Variants in SRGAP2 observed in about 807,000 individuals in gnomAD.
SRGAP2 encodes SLIT-ROBO Rho GTPase activating protein 2, also known as SLIT-ROBO Rho GTPase-activating protein 2.
In SRGAP2, 15 loss-of-function variants were observed where a neutral mutation model predicts 57.2. The observed-to-expected ratio is 0.26, with a 90% CI of 0.18 to 0.40. The LOEUF (loss-of-function observed/expected upper bound fraction) is 0.40, where lower values mean the gene tolerates loss of function less well. Among genes scored for constraint, SRGAP2 ranks in the 10% least tolerant of loss-of-function variants. The pLI, the probability that SRGAP2 is intolerant of heterozygous loss-of-function variation, is 1.00. For missense variants in SRGAP2, 520 were observed against 669.6 expected, an observed-to-expected ratio of 0.78 and a Z score of 2.47; for synonymous variants, 249 against 248.0, an observed-to-expected ratio of 1.00 and a Z score of -0.04.
chr1:206,375,892 T>C (rs1221686288), intron 4 of SRGAP2, among the ~76,000 whole-genome samples: 1 of 151,488 alleles, frequency 6.6e-6, no homozygotes, highest in Admixed American at 6.6e-5. Flanking sequence ...GTGTTACTGC[T>C]CACACATTCC....
chr1:206,226,512 C>T (rs1300241732), intron 2 of SRGAP2, among the ~76,000 whole-genome samples: 1 of 152,048 alleles, frequency 6.6e-6, no homozygotes, highest in Non-Finnish European at 1.5e-5. Flanking sequence ...AACTATGTGG[C>T]CCTGGGTAAG....
intron 13 of SRGAP2, among the ~76,000 whole-genome samples, chr1:206,428,260 C>CA (rs1367990712): frequency 1.3e-5 from 2 of 151,148 alleles, no homozygotes; most frequent in Non-Finnish European, 3.0e-5. Context: ...ACTAAAAATA[C>CA]AAAAAAATTA....
At chr1:206,417,103 C>CTTTTT (rs546280000) in intron 11 of SRGAP2, among the ~76,000 whole-genome samples, 4 of 133,782 alleles carry the variant, frequency 3.0e-5, no homozygotes, top group Non-Finnish European at 4.8e-5. Flanking sequence ...CTAATGACTT[C>CTTTTT]TTTTTTTTTT....
At chr1:206,437,716 A>C (rs546652051) in intron 15 of SRGAP2, 2 of 480,088 alleles carry the variant, frequency 4.2e-6, no homozygotes, top group African/African-American at 3.9e-5. Context: ...AATGTCCCTG[A>C]GCCAGGCTGG....
intron 18 of SRGAP2, among the ~76,000 whole-genome samples, chr1:206,449,117 A>G (rs1482144592): frequency 6.6e-6 from 1 of 152,118 alleles, no homozygotes; most frequent in Non-Finnish European, 1.5e-5. Flanking sequence ...GTTACTGCCT[A>G]CTACCAGAGG....
At chr1:206,336,010 T>C (rs2102894112) in intron 3 of SRGAP2, among the ~76,000 whole-genome samples, 1 of 152,246 alleles carries the variant, frequency 6.6e-6, no homozygotes, top group East Asian at 1.9e-4. Context: ...AAGCACTTAA[T>C]AGATGTCAGA....
At chr1:206,433,602 C>T (rs1355694443) in intron 14 of SRGAP2, among the ~76,000 whole-genome samples, 1 of 150,764 alleles carries the variant, frequency 6.6e-6, no homozygotes, top group African/African-American at 2.4e-5. Context: ...CACCACTGCA[C>T]TCCAGCCTGA....
intron 13 of SRGAP2, among the ~76,000 whole-genome samples, chr1:206,423,386 A>G (rs1170668909): frequency 2.0e-5 from 3 of 152,092 alleles, no homozygotes; most frequent in Non-Finnish European, 4.4e-5. Flanking sequence ...CTTTTGTTCT[A>G]TAATGCTGTC....
chr1:206,460,219 A>C (rs1664148776), intron 22 of SRGAP2, among the ~76,000 whole-genome samples: 1 of 152,230 alleles, frequency 6.6e-6, no homozygotes, highest in Non-Finnish European at 1.5e-5. Context: ...GGGGTGCCAG[A>C]CACAGGTTTA....
chr1:206,457,283 G>T (rs1366765079), intron 21 of SRGAP2, among the ~76,000 whole-genome samples: 1 of 152,156 alleles, frequency 6.6e-6, no homozygotes, highest in Admixed American at 6.5e-5. Flanking sequence ...CTACTGTTGT[G>T]CCAAGCACTG....
chr1:206,429,342 G>A (rs953212800), intron 13 of SRGAP2, among the ~76,000 whole-genome samples: 14 of 152,186 alleles, frequency 9.2e-5, no homozygotes, highest in Non-Finnish European at 5.9e-5. Context: ...GGTTCATTCT[G>A]CTACCTTCAA....
intron 11 of SRGAP2, 130 bp from the exon 12 acceptor site, chr1:206,419,242 CT>C (rs782386548): frequency 2.7e-5 from 18 of 670,004 alleles, no homozygotes; most frequent in Non-Finnish European, 4.7e-5. Context: ...TCTCTCTCTC[CT>C]CTCTTTTGCC....
In SRGAP2 at chr1:206,458,707, C is replaced by G; in HGVS notation, c.2592C>G (p.Ser864=). ...SHGLSSSLTD[S]SSPGVGASCR... ...GGCTGAGCAGTTCCCTGACTGACTC[C>G]TCCTCCCCAGGGGTGGGGGCTAGCT... is the stretch of plus-strand genomic sequence containing the variant. Residue 864 remains serine, a synonymous_variant, in exon 22 of 23, where the codon TCC becomes TCG. Coordinates refer to ENST00000573034, the MANE Select transcript of SRGAP2 (RefSeq NM_015326.5). 1.3e-6 allele frequency: 1 copy of G among 779,984 alleles called. No individual in the cohort carries two copies. The allele number at this position is 779,984 out of a possible 1,614,324, so 48.3% of individuals were successfully genotyped here. A position where few individuals can be genotyped will look rare whatever the true frequency, so the allele number is the denominator to read the frequency against.
chr1:206,325,126 A>G (rs1237883312), intron 3 of SRGAP2, among the ~76,000 whole-genome samples: 1 of 150,026 alleles, frequency 6.7e-6, no homozygotes, highest in Non-Finnish European at 1.5e-5. Flanking sequence ...GAAAAAAACG[A>G]TTCTCAAAGG....
chr1:206,342,291 C>A (rs1553335405), intron 3 of SRGAP2, among the ~76,000 whole-genome samples: 5 of 152,160 alleles, frequency 3.3e-5, no homozygotes, highest in Admixed American at 3.3e-4. Context: ...GACAAAATCT[C>A]TAACTTTGGT....
intron 4 of SRGAP2, among the ~76,000 whole-genome samples, chr1:206,357,635 G>A (rs2102978967): frequency 7.3e-6 from 1 of 136,758 alleles, no homozygotes; most frequent in Middle Eastern, 4.0e-3. Context: ...TCAGGCTGAA[G>A]TACAGTGGCG....
At chr1:206,224,374 A>G (rs1172895741) in intron 2 of SRGAP2, among the ~76,000 whole-genome samples, 1 of 147,702 alleles carries the variant, frequency 6.8e-6, no homozygotes, top group Non-Finnish European at 1.5e-5. Context: ...GTCTGTGATC[A>G]TAGAAACCAT....
chr1:206,250,220 A>G (rs1309927776), intron 2 of SRGAP2, among the ~76,000 whole-genome samples: 1 of 152,090 alleles, frequency 6.6e-6, no homozygotes, highest in African/African-American at 2.4e-5. Flanking sequence ...TGTTTGGTCC[A>G]CTTTTCTCAT....
chr1:206,448,981 C>G (rs547667934), intron 18 of SRGAP2, among the ~76,000 whole-genome samples: 2 of 152,220 alleles, frequency 1.3e-5, no homozygotes, highest in South Asian at 4.2e-4. Context: ...GAGGAACTTC[C>G]CAGGAGTGTA....
Sources: allele counts gnomAD v4.1 joint callset (sites outside exome capture counted in the v4.1 genomes callset), GRCh38; gene constraint gnomAD v4.1.1; transcripts MANE v1.5; gene names NCBI Gene and HGNC (gene_info 2026-07-23, HGNC 2026-07-21).